SHISA9: variants seen among roughly 807,000 people sequenced by gnomAD.
SHISA9 encodes protein shisa-9.
Under a neutral mutation model 38.0 loss-of-function variants are expected in SHISA9, and 13 were observed. The observed-to-expected ratio is 0.34, with a 90% CI of 0.22 to 0.54. The LOEUF (loss-of-function observed/expected upper bound fraction) is 0.54, where lower values mean the gene tolerates loss of function less well. SHISA9 is among the 20% of genes least tolerant of loss of function. The pLI is 0.91. For missense variants in SHISA9, 538 were observed against 575.8 expected (o/e 0.93, Z 0.67); for synonymous variants, 275 against 242.0 (o/e 1.14, Z -1.27).
chr16:12,927,401 C>T (rs1050851659), intron 2 of SHISA9, among the ~76,000 whole-genome samples: 1 of 151,978 alleles, frequency 6.6e-6, no homozygotes, highest in Non-Finnish European at 1.5e-5. Flanking sequence ...CTGTTTTTTA[C>T]TTACTTATTT....
chr16:13,382,111 A>T, the SHISA9 span, among the ~76,000 whole-genome samples: 1 of 152,258 alleles, frequency 6.6e-6, no homozygotes, highest in Non-Finnish European at 1.5e-5. Context: ...GTGTATTGAT[A>T]CAAACTCTCT....
the SHISA9 span, among the ~76,000 whole-genome samples, chr16:13,385,146 G>T: frequency 1.3e-5 from 2 of 152,174 alleles, no homozygotes; most frequent in South Asian, 4.1e-4. Context: ...AAAAGTAGTG[G>T]CAACACCAAA....
the SHISA9 span, among the ~76,000 whole-genome samples, chr16:13,303,654 G>A: frequency 7.9e-5 from 12 of 152,304 alleles, no homozygotes; most frequent in South Asian, 8.3e-4. Context: ...TGATGAAAAC[G>A]TTTTAGAACT....
chr16:13,514,525 A>C, the SHISA9 span, among the ~76,000 whole-genome samples: 40 of 152,302 alleles, frequency 2.6e-4, no homozygotes, highest in Admixed American at 1.8e-3. Context: ...TGGAAGATAT[A>C]TAAAAGACCT....
At chr16:12,951,219 TCCAAAAAAAAAAAAA>T (rs2071751344) in intron 2 of SHISA9, among the ~76,000 whole-genome samples, 1 of 18,786 alleles carries the variant, frequency 5.3e-5, no homozygotes, top group Non-Finnish European at 9.4e-5. Flanking sequence ...AGACTCCTTC[TCCAAAAAAAAAAAAA>T]AAAAAAAAAA....
chr16:13,023,316 A>G (rs917063784), intron 2 of SHISA9, among the ~76,000 whole-genome samples: 1 of 152,140 alleles, frequency 6.6e-6, no homozygotes, highest in African/African-American at 2.4e-5. Flanking sequence ...CATGGTTTCC[A>G]GCTTCATCCA....
intron 2 of SHISA9, among the ~76,000 whole-genome samples, chr16:13,146,739 G>C (rs1170065679): frequency 6.6e-6 from 1 of 152,134 alleles, no homozygotes; most frequent in African/African-American, 2.4e-5. Context: ...GTCAGAATCA[G>C]GTTTCAATCC....
the SHISA9 span, among the ~76,000 whole-genome samples, chr16:13,346,256 C>A: frequency 6.6e-6 from 1 of 152,090 alleles, no homozygotes; most frequent in South Asian, 2.1e-4. Context: ...AAGATAACGG[C>A]CTTCAGTTTC....
At chr16:13,426,411 T>C in the SHISA9 span, among the ~76,000 whole-genome samples, 2 of 152,140 alleles carry the variant, frequency 1.3e-5, no homozygotes, top group Non-Finnish European at 2.9e-5. Context: ...AAAGGAGTTC[T>C]CCCAAACATG....
At chr16:13,370,409 C>G in the SHISA9 span, among the ~76,000 whole-genome samples, 2 of 152,172 alleles carry the variant, frequency 1.3e-5, no homozygotes, top group Admixed American at 1.3e-4. Flanking sequence ...AGACACACAG[C>G]TGTTTAGCAG....
the SHISA9 span, among the ~76,000 whole-genome samples, chr16:13,453,682 A>G: frequency 1.3e-5 from 2 of 152,210 alleles, no homozygotes; most frequent in African/African-American, 4.8e-5. Context: ...AGACTAGTAA[A>G]ACATAATAAA....
intron 2 of SHISA9, among the ~76,000 whole-genome samples, chr16:12,994,822 G>C (rs1399754371): frequency 6.6e-6 from 1 of 152,090 alleles, no homozygotes; most frequent in Non-Finnish European, 1.5e-5. Flanking sequence ...TAGACAGCTG[G>C]GTGGATAGAG....
chr16:13,060,381 A>T (rs866581049), intron 2 of SHISA9, among the ~76,000 whole-genome samples: 1 of 152,144 alleles, frequency 6.6e-6, no homozygotes, highest in East Asian at 1.9e-4. Context: ...TATCAACCAG[A>T]GGACATGAGG....
chr16:13,233,627 G>A (rs1482110224), intron 4 of SHISA9, among the ~76,000 whole-genome samples: 5 of 152,204 alleles, frequency 3.3e-5, no homozygotes, highest in African/African-American at 9.6e-5. Flanking sequence ...GAATGGGCAT[G>A]GTTTTGTGTC....
intron 1 of SHISA9, among the ~76,000 whole-genome samples, chr16:12,907,562 C>G (rs1457431330): frequency 6.6e-6 from 1 of 152,116 alleles, no homozygotes; most frequent in African/African-American, 2.4e-5. Flanking sequence ...GCAAAAATCC[C>G]GTAATATCAT....
chr16:13,370,017 C>T, the SHISA9 span, among the ~76,000 whole-genome samples: 1 of 152,126 alleles, frequency 6.6e-6, no homozygotes, highest in East Asian at 1.9e-4. Context: ...TTGGTTGATA[C>T]AATTCATACA....
chr16:13,096,519 C>G (rs1051408800), intron 2 of SHISA9, among the ~76,000 whole-genome samples: 2 of 152,136 alleles, frequency 1.3e-5, no homozygotes, highest in Admixed American at 6.5e-5. Flanking sequence ...AAGACTCATG[C>G]TGAAGCTGAA....
chr16:13,247,862 C>G, the SHISA9 span, among the ~76,000 whole-genome samples: 1 of 152,178 alleles, frequency 6.6e-6, no homozygotes, highest in Non-Finnish European at 1.5e-5. Flanking sequence ...TTTTAAAAAT[C>G]TCAACATCCA....
chr16:13,291,102 G>A, the SHISA9 span, among the ~76,000 whole-genome samples: 2 of 152,096 alleles, frequency 1.3e-5, no homozygotes, highest in Non-Finnish European at 2.9e-5. Context: ...GCTGTGTGGG[G>A]TACTTTGCTT....
Sources: allele counts gnomAD v4.1 joint callset (sites outside exome capture counted in the v4.1 genomes callset), GRCh38; gene constraint gnomAD v4.1.1; transcripts MANE v1.5; gene names NCBI Gene and HGNC (gene_info 2026-07-23, HGNC 2026-07-21).